The following PCDHGA3 variants were observed in gnomAD, a reference collection of about 807,000 sequenced individuals.
PCDHGA3 encodes the protein protocadherin gamma subfamily A, 3.
In PCDHGA3, 40 loss-of-function variants were observed where a neutral mutation model predicts 58.5. The ratio of observed to expected loss-of-function variants is 0.68; its 90% CI spans 0.53 to 0.89. The LOEUF (loss-of-function observed/expected upper bound fraction) is 0.89, where lower values mean the gene tolerates loss of function less well. PCDHGA3 is among the 40% of genes least tolerant of loss of function. The pLI is 0.00. For synonymous variants in PCDHGA3, 530 were observed against 525.7 expected (o/e 1.01, Z -0.11); for missense variants, 1,223 against 1,195.9 (o/e 1.02, Z -0.33).
chr5:141,414,371 A>G (rs1447111430), intron 1 of PCDHGA3: 1 of 1,613,954 alleles, frequency 6.2e-7, no homozygotes, highest in South Asian at 1.1e-5. Flanking sequence ...TTTAAATTAG[A>G]AAAGTCCATT....
chr5:141,365,663 G>C lies in PCDHGA3; in HGVS notation c.2424+19206G>C, dbSNP rs117201633. The stretch of plus-strand genomic sequence containing the variant: ...CCACATCCCCTTGAAAGTAGCAGAC[G>C]TTAATGACAACCCACCCAATTTCCC... On this transcript the variant is annotated intron_variant, in intron 1 of 3. Transcript: ENST00000253812. 4.9e-5 allele frequency: 79 copies of C among 1,613,390 alleles called. No individual in the cohort carries two copies. The East Asian group carries it at 1.3e-3, about 26-fold the overall frequency.
chr5:141,375,417 C>T, intron 1 of PCDHGA3: 3 of 1,613,976 alleles, frequency 1.9e-6, no homozygotes, highest in Non-Finnish European at 2.5e-6. Context: ...GTGGCAGACA[C>T]CAACGACAAC....
intron 3 of PCDHGA3, among the ~76,000 whole-genome samples, chr5:141,506,485 A>C (rs2154593953): frequency 6.6e-6 from 1 of 150,572 alleles, no homozygotes; most frequent in East Asian, 2.0e-4. Flanking sequence ...CTTTAGAGGC[A>C]GGCCAATCTG....
At position 141,477,418 on chromosome 5, in the gene PCDHGA3, C is replaced by G. The variant is rs759728291; in HGVS notation, c.2425-17389C>G. ...GCATCACCGCCCGAGACGCCGGAAC[C>G]CCTTCCCTCTCAGCCCTTACAATAG... On this transcript the variant is annotated intron_variant, in intron 1 of 3. Transcript: ENST00000253812. This position sits in a 1 kb window ranked among gnomAD's most constrained non-coding sequence, Gnocchi z 4.9. 2 of 1,614,166 alleles carry G rather than the reference C, an allele frequency of 1.2e-6. No homozygotes were observed. Among genetic ancestry groups the G allele is most frequent in the Non-Finnish European group, 1.7e-6 (2 of 1,180,030 alleles).
Position 141,476,702 on chromosome 5 carries a change from C to CTGG in PCDHGA3, c.2425-18102_2425-18100dup, listed in dbSNP as rs1562056101. On this transcript the variant is annotated intron_variant, in intron 1 of 3. Coordinates refer to ENST00000253812, the MANE Select transcript of PCDHGA3 (RefSeq NM_018916.4). This position sits in a 1 kb window ranked among gnomAD's most constrained non-coding sequence, Gnocchi z 7.6. ...GGAGGACAGCACCAAGTACGCGGAG[C>CTGG]TGGTGTTGGAGCGCGCCCTGGACCG... 5 of 1,614,222 alleles carry CTGG rather than the reference C, an allele frequency of 3.1e-6. No homozygotes were observed. The highest frequency in any genetic ancestry group is 4.2e-6 in the Non-Finnish European group (5 of 1,180,042).
chr5:141,410,796 G>T, intron 1 of PCDHGA3: 19 of 640,732 alleles, frequency 3.0e-5, no homozygotes, highest in South Asian at 1.4e-4. Flanking sequence ...TTCATAAGTT[G>T]CTCTATCTTT....
chr5:141,433,883 G>A (rs1051019240), intron 1 of PCDHGA3, among the ~76,000 whole-genome samples: 1 of 149,932 alleles, frequency 6.7e-6, no homozygotes, highest in Non-Finnish European at 1.5e-5. Flanking sequence ...ATCCATTGAT[G>A]ACACTTGCTT....
chr5:141,362,994 C>T (rs1023697492), intron 1 of PCDHGA3, among the ~76,000 whole-genome samples: 12 of 152,350 alleles, frequency 7.9e-5, no homozygotes, highest in Admixed American at 3.9e-4. Context: ...AATGGCATGG[C>T]TTGTTAATCA....
intron 1 of PCDHGA3, chr5:141,355,229 A>T (rs1759766988): frequency 6.2e-7 from 1 of 1,611,188 alleles, no homozygotes. Context: ...CGCCCAGACC[A>T]CACCCGGCTG....
At chr5:141,504,352 G>A (rs2099837588) in intron 2 of PCDHGA3, among the ~76,000 whole-genome samples, 3 of 152,016 alleles carry the variant, frequency 2.0e-5, no homozygotes, top group Admixed American at 1.3e-4. Flanking sequence ...TTTGTGCTAG[G>A]TGCTTCAGTA....
chr5:141,407,807 T>C (rs916388568), intron 1 of PCDHGA3, among the ~76,000 whole-genome samples: 1 of 152,202 alleles, frequency 6.6e-6, no homozygotes, highest in African/African-American at 2.4e-5. Flanking sequence ...CATAGAAATA[T>C]CTACTATAAT....
rs757755103 is a variant in PCDHGA3 at position 141,432,638 on chromosome 5, C to A, written c.2425-62169C>A. On this transcript the variant is annotated intron_variant, in intron 1 of 3. Coordinates refer to ENST00000253812, the MANE Select transcript of PCDHGA3 (RefSeq NM_018916.4). The surrounding 1 kb of genome is among the most constrained non-coding windows in gnomAD (Gnocchi z 6.0). ...GGTGGGTCTGCACACGGGCGAGGTG[C>A]GCACGGCGCGAGCCCTGCTGGACAG... The A allele has an allele frequency of 6.2e-6, 10 of 1,613,810 alleles. No homozygotes were observed. Among genetic ancestry groups the A allele is most frequent in the African/African-American group, 1.3e-5 (1 of 75,064 alleles).
intron 1 of PCDHGA3, among the ~76,000 whole-genome samples, chr5:141,458,758 G>T (rs1473104567): frequency 1.3e-5 from 2 of 150,844 alleles, no homozygotes; most frequent in Non-Finnish European, 3.0e-5. Context: ...TTTGAGACAG[G>T]GTCTTGCTGT....
In PCDHGA3 at chr5:141,451,946, G is replaced by A. The variant is rs146934262; in HGVS notation, c.2425-42861G>A. On this transcript the variant is annotated intron_variant, in intron 1 of 3. Coordinates refer to ENST00000253812, the MANE Select transcript of PCDHGA3 (RefSeq NM_018916.4). ...GGAGGTAGGGAGGCAGGGAAAGACC[G>A]AGAAAGTGACATACCATCATTTTTG... Among the ~76,000 whole-genome samples, 240 of 152,218 alleles carry A rather than the reference G, an allele frequency of 1.6e-3. 1 individual carries two copies. Among genetic ancestry groups the A allele is most frequent in the Non-Finnish European group, 2.9e-3 (195 of 68,026 alleles).
At chr5:141,472,849 G>C (rs966051912) in intron 1 of PCDHGA3, among the ~76,000 whole-genome samples, 1 of 151,340 alleles carries the variant, frequency 6.6e-6, no homozygotes, top group East Asian at 2.0e-4. Flanking sequence ...AGCTGGGCAT[G>C]GTGGCACATG....
chr5:141,489,944 T>C lies in PCDHGA3; in HGVS notation c.2425-4863T>C. On this transcript the variant is annotated intron_variant, in intron 1 of 3. Coordinates refer to ENST00000253812, the MANE Select transcript of PCDHGA3 (RefSeq NM_018916.4). The surrounding 1 kb of genome is among the most constrained non-coding windows in gnomAD (Gnocchi z 4.5). Reference sequence around the variant, plus strand: ...CTTATCTCTGTCATCGTGCTGGACATCAATGATAATGCTCCAACCTTCCAA... The same window carrying C: ...CTTATCTCTGTCATCGTGCTGGACACCAATGATAATGCTCCAACCTTCCAA... 6.2e-7 allele frequency: 1 copy of C among 1,614,172 alleles called. No homozygotes were observed. Among genetic ancestry groups the C allele is most frequent in the Non-Finnish European group, 8.5e-7 (1 of 1,180,010 alleles).
intron 1 of PCDHGA3, chr5:141,384,384 C>G: frequency 6.2e-7 from 1 of 1,613,934 alleles, no homozygotes; most frequent in African/African-American, 1.3e-5. Flanking sequence ...CCGAAGACAC[C>G]ATCCAGGGGG....
At chr5:141,418,802 T>G (rs775155011) in intron 1 of PCDHGA3, 1 of 1,613,862 alleles carries the variant, frequency 6.2e-7, no homozygotes, top group Non-Finnish European at 8.5e-7. Flanking sequence ...AGTAGAAAGA[T>G]ATACGATAAA....
chr5:141,377,257 C>CT (rs1361180220), intron 1 of PCDHGA3: 1 of 147,998 alleles, frequency 6.8e-6, no homozygotes, highest in Non-Finnish European at 1.5e-5. Context: ...AAGGTTCTTT[C>CT]TTTTTCTAAT....
Sources: allele counts gnomAD v4.1 joint callset (sites outside exome capture counted in the v4.1 genomes callset), GRCh38; gene constraint gnomAD v4.1.1; non-coding constraint Gnocchi (gnomAD v3.1); transcripts MANE v1.5; gene names NCBI Gene and HGNC (gene_info 2026-07-23, HGNC 2026-07-21).